LMO7: variants seen among roughly 807,000 people sequenced by gnomAD.
The protein encoded by LMO7 is LIM domain only protein 7.
Under a neutral mutation model 206.5 loss-of-function variants are expected in LMO7, and 120 were observed. The ratio of observed to expected loss-of-function variants is 0.58; its 90% CI spans 0.50 to 0.68. The LOEUF is 0.68. LMO7 is among the 30% of genes least tolerant of loss of function. The pLI is 0.00. For missense variants in LMO7, 1,959 were observed against 1,957.9 expected (o/e 1.00, Z -0.01); for synonymous variants, 706 against 681.5 (o/e 1.04, Z -0.56).
intron 1 of LMO7, among the ~76,000 whole-genome samples, chr13:75,642,235 T>TC (rs1012253300): frequency 6.6e-6 from 1 of 152,140 alleles, no homozygotes; most frequent in Admixed American, 6.5e-5. Context: ...TCTTCCAACG[T>TC]ACTGATGCAC....
intron 4 of LMO7, among the ~76,000 whole-genome samples, chr13:75,788,005 A>T (rs1052870983): frequency 3.9e-5 from 6 of 152,226 alleles, no homozygotes; most frequent in Non-Finnish European, 8.8e-5. Flanking sequence ...GCTTCCATTC[A>T]TAGAACAATA....
At chr13:75,738,323 A>C (rs1392914648) in intron 3 of LMO7, among the ~76,000 whole-genome samples, 1 of 152,166 alleles carries the variant, frequency 6.6e-6, no homozygotes, top group African/African-American at 2.4e-5. Context: ...AGGGCAATGG[A>C]TTTACCTTTT....
chr13:75,835,236 C>T lies in LMO7; in HGVS notation c.3230C>T (p.Ser1077Leu). The change falls in exon 18 of 31, where the codon TCA (serine) becomes TTA (leucine). Residue 1077 changes from serine to leucine, a missense_variant. By Grantham distance (145) the Ser-to-Leu change is moderately radical (BLOSUM62 -2). Coordinates refer to ENST00000377534, the MANE Select transcript of LMO7 (RefSeq NM_001306080.2). ...MDVRRYGKAG[S>L]PETKWIDATS... Reference sequence around the variant, plus strand: ...AGTATGGCTACCAAAATTATAGGTTCACCTGAAACAAAGTGGATTGATGCA... The same window carrying T: ...AGTATGGCTACCAAAATTATAGGTTTACCTGAAACAAAGTGGATTGATGCA... 3 of 1,611,938 alleles carry T rather than the reference C, an allele frequency of 1.9e-6. No homozygotes were observed. In the East Asian group the frequency reaches 6.7e-5, roughly 36 times the overall value.
At chr13:75,621,908 G>T in intron 1 of LMO7, 1 of 1,457,858 alleles carries the variant, frequency 6.9e-7, no homozygotes. Flanking sequence ...TTATTACTTT[G>T]AAAGAACTAA....
chr13:75,848,227 C>T (rs931850770), intron 26 of LMO7, among the ~76,000 whole-genome samples: 4 of 152,260 alleles, frequency 2.6e-5, no homozygotes, highest in Admixed American at 6.5e-5. Flanking sequence ...CCCACCCTTT[C>T]CTGCTGAGTC....
At chr13:75,761,277 A>G (rs931675241) in intron 4 of LMO7, among the ~76,000 whole-genome samples, 1 of 152,106 alleles carries the variant, frequency 6.6e-6, no homozygotes, top group African/African-American at 2.4e-5. Flanking sequence ...ACCGACAAAA[A>G]TGGTAGTGTT....
intron 1 of LMO7, among the ~76,000 whole-genome samples, chr13:75,683,747 T>C (rs562568157): frequency 6.6e-6 from 1 of 152,310 alleles, no homozygotes; most frequent in South Asian, 2.1e-4. Context: ...GAGATATACA[T>C]CAATACATGT....
At chr13:75,707,676 G>A (rs1326152548) in intron 1 of LMO7, among the ~76,000 whole-genome samples, 1 of 151,962 alleles carries the variant, frequency 6.6e-6, no homozygotes, top group African/African-American at 2.4e-5. Flanking sequence ...GGTGTACAGG[G>A]CATGCCAGAT....
chr13:75,819,714 G>A (rs191879462), intron 13 of LMO7, among the ~76,000 whole-genome samples, 179 bp downstream of exon 13: 1 of 152,170 alleles, frequency 6.6e-6, no homozygotes, highest in African/African-American at 2.4e-5. Flanking sequence ...TGTTGAAATA[G>A]TGACTTAGAG....
chr13:75,776,168 T>TGCC (rs2050403684), intron 4 of LMO7, among the ~76,000 whole-genome samples: 1 of 38,404 alleles, frequency 2.6e-5, no homozygotes, highest in Non-Finnish European at 5.0e-5. Context: ...ATCGGATATA[T>TGCC]ATATATATAT....
intron 8 of LMO7, chr13:75,805,053 C>T: frequency 2.0e-6 from 2 of 991,546 alleles, no homozygotes; most frequent in Non-Finnish European, 2.4e-6. Flanking sequence ...GAAAAAGAGG[C>T]CCCAGAATTT....
At chr13:75,629,726 G>A (rs1385484724) in intron 2 of LMO7, among the ~76,000 whole-genome samples, 2 of 152,268 alleles carry the variant, frequency 1.3e-5, no homozygotes, top group Middle Eastern at 6.8e-3. Flanking sequence ...TGGTTTAAGA[G>A]TTAGATTTCA....
intron 1 of LMO7, among the ~76,000 whole-genome samples, chr13:75,691,399 T>G (rs1015060591): frequency 3.9e-5 from 6 of 152,184 alleles, no homozygotes; most frequent in African/African-American, 1.4e-4. Flanking sequence ...TGGCCTGACT[T>G]AACAGTAAAC....
At chr13:75,707,126 T>A (rs2042717589) in intron 1 of LMO7, among the ~76,000 whole-genome samples, 1 of 151,548 alleles carries the variant, frequency 6.6e-6, no homozygotes, top group African/African-American at 2.4e-5. Flanking sequence ...TTCTGAATGT[T>A]GTTCTTTTAT....
intron 1 of LMO7, among the ~76,000 whole-genome samples, chr13:75,692,195 CCTAA>C (rs2041543877): frequency 6.6e-6 from 1 of 152,090 alleles, no homozygotes; most frequent in Non-Finnish European, 1.5e-5. Context: ...CCCAGGAAAA[CCTAA>C]CTGTTACCAT....
At chr13:75,747,549 T>C (rs763466189) in intron 3 of LMO7, among the ~76,000 whole-genome samples, 24 of 152,216 alleles carry the variant, frequency 1.6e-4, no homozygotes, top group Non-Finnish European at 3.5e-4. Flanking sequence ...AATTACACTG[T>C]TACTCTCATG....
At chr13:75,754,703 A>G (rs914163467) in intron 3 of LMO7, among the ~76,000 whole-genome samples, 3 of 152,218 alleles carry the variant, frequency 2.0e-5, no homozygotes, top group Non-Finnish European at 4.4e-5. Context: ...AAGCACTTAC[A>G]TTACTGATGA....
intron 11 of LMO7, among the ~76,000 whole-genome samples, chr13:75,813,248 C>T (rs937366411): frequency 1.3e-5 from 2 of 152,140 alleles, no homozygotes; most frequent in African/African-American, 4.8e-5. Context: ...CACTGTGGTC[C>T]GGGGTGACCT....
intron 1 of LMO7, among the ~76,000 whole-genome samples, chr13:75,710,883 T>C (rs7993038): frequency 0.071 from 10,591 of 150,168 alleles, 865 homozygotes; most frequent in African/African-American, 0.19. Flanking sequence ...TGCCAGTTTT[T>C]AAAGGGAATG....
Sources: gnomAD v4.1 joint callset for allele counts (sites outside exome capture counted in the v4.1 genomes callset) on GRCh38, gnomAD v4.1.1 for gene constraint, MANE v1.5 for transcripts, NCBI Gene and HGNC (gene_info 2026-07-23, HGNC 2026-07-21) for gene names.